The following SUCLG2 variants were observed in gnomAD, a reference collection of about 807,000 sequenced individuals.
The protein encoded by SUCLG2 is succinate--CoA ligase [GDP-forming] subunit beta, mitochondrial.
A neutral mutation model predicts 47.9 loss-of-function variants in SUCLG2; 42 were observed. The observed-to-expected ratio is 0.88, with a 90% CI of 0.69 to 1.14. SUCLG2 has a LOEUF of 1.14. Ranked by LOEUF, SUCLG2 falls within the 50% of genes most tolerant of loss-of-function variation. SUCLG2 has a pLI of 0.00. For missense variants in SUCLG2, 571 were observed against 525.9 expected (o/e 1.09, Z -0.84); for synonymous variants, 195 against 197.3 (o/e 0.99, Z 0.10).
At chr3:67,632,330 G>A (rs909647242) in intron 1 of SUCLG2, among the ~76,000 whole-genome samples, 3 of 152,118 alleles carry the variant, frequency 2.0e-5, no homozygotes, top group Non-Finnish European at 4.4e-5. Context: ...CTACAGGCAC[G>A]CACCACCACA....
chr3:67,454,845 G>A (rs994756777), intron 9 of SUCLG2, among the ~76,000 whole-genome samples: 5 of 151,728 alleles, frequency 3.3e-5, no homozygotes, highest in South Asian at 4.2e-4. Context: ...ACCTATAGTC[G>A]CAGCTACTTG....
chr3:67,410,274 A>G (rs1261603102), intron 9 of SUCLG2, among the ~76,000 whole-genome samples: 1 of 152,252 alleles, frequency 6.6e-6, no homozygotes, highest in Non-Finnish European at 1.5e-5. Flanking sequence ...AAGCAAGAAC[A>G]GCAACTACAA....
chr3:67,386,670 G>C (rs1702267545), intron 10 of SUCLG2, among the ~76,000 whole-genome samples: 1 of 152,112 alleles, frequency 6.6e-6, no homozygotes, highest in Non-Finnish European at 1.5e-5. Context: ...TCACTATCAG[G>C]AGAACAGCAT....
chr3:67,609,787 C>T (rs938726641), intron 1 of SUCLG2, among the ~76,000 whole-genome samples, 191 bp from the exon 2 acceptor site: 2 of 151,868 alleles, frequency 1.3e-5, no homozygotes, highest in Admixed American at 1.3e-4. Context: ...TTAAGGACAA[C>T]TACACACACA....
chr3:67,517,867 C>T (rs1273443652), intron 6 of SUCLG2, among the ~76,000 whole-genome samples: 2 of 152,072 alleles, frequency 1.3e-5, no homozygotes, highest in African/African-American at 2.4e-5. Context: ...CCACAATAAG[C>T]CTCTCGGGAG....
At chr3:67,622,505 GA>G (rs1259291848) in intron 1 of SUCLG2, among the ~76,000 whole-genome samples, 1 of 152,140 alleles carries the variant, frequency 6.6e-6, no homozygotes, top group Non-Finnish European at 1.5e-5. Context: ...GCAAATCTGA[GA>G]AAATAGTAGT....
At chr3:67,639,739 T>A (rs999682283) in intron 1 of SUCLG2, among the ~76,000 whole-genome samples, 1 of 152,148 alleles carries the variant, frequency 6.6e-6, no homozygotes, top group African/African-American at 2.4e-5. Context: ...TCAGCCTCCT[T>A]CCCTTCAACT....
intron 10 of SUCLG2, among the ~76,000 whole-genome samples, chr3:67,365,224 G>C (rs1575650592): frequency 6.6e-6 from 1 of 152,112 alleles, no homozygotes; most frequent in African/African-American, 2.4e-5. Context: ...GAGAAAGTGG[G>C]GCTGGAAACT....
chr3:67,515,451 G>A (rs1705919384), intron 6 of SUCLG2, among the ~76,000 whole-genome samples: 1 of 152,098 alleles, frequency 6.6e-6, no homozygotes. Flanking sequence ...TTTATGTAAA[G>A]CAAAGTATCA....
chr3:67,572,759 G>A (rs988762589), intron 2 of SUCLG2, among the ~76,000 whole-genome samples: 12 of 152,030 alleles, frequency 7.9e-5, no homozygotes, highest in African/African-American at 2.9e-4. Flanking sequence ...AGAAGGCAAG[G>A]TAAGGAAGTC....
intron 1 of SUCLG2, among the ~76,000 whole-genome samples, chr3:67,621,602 C>T (rs7630015): frequency 0.44 from 67,436 of 151,786 alleles, 15,256 homozygotes; most frequent in African/African-American, 0.5. Context: ...TGGACCAATC[C>T]ATTCAAGGAT....
At chr3:67,533,463 T>C (rs772198379) in intron 2 of SUCLG2, among the ~76,000 whole-genome samples, 1 of 152,170 alleles carries the variant, frequency 6.6e-6, no homozygotes, top group Non-Finnish European at 1.5e-5. Context: ...ATATGTAGCA[T>C]GGCAATCACC....
chr3:67,450,583 G>C (rs916232003), intron 9 of SUCLG2, among the ~76,000 whole-genome samples: 1 of 152,264 alleles, frequency 6.6e-6, no homozygotes. Context: ...CCATCATCTA[G>C]ATACTATCAT....
At chr3:67,432,735 C>A (rs1301135364) in intron 9 of SUCLG2, among the ~76,000 whole-genome samples, 1 of 152,206 alleles carries the variant, frequency 6.6e-6, no homozygotes, top group Non-Finnish European at 1.5e-5. Context: ...ACCTTTCTGT[C>A]TTTTATATCC....
At chr3:67,536,770 G>A (rs139396939) in intron 2 of SUCLG2, among the ~76,000 whole-genome samples, 1 of 152,254 alleles carries the variant, frequency 6.6e-6, no homozygotes, top group East Asian at 1.9e-4. Context: ...GCTGAAAAAT[G>A]CACAACAGTT....
intron 2 of SUCLG2, among the ~76,000 whole-genome samples, chr3:67,575,832 C>A (rs1357227626): frequency 6.6e-6 from 1 of 152,074 alleles, no homozygotes; most frequent in African/African-American, 2.4e-5. Flanking sequence ...AAAAAAAGTC[C>A]ATCTCATTTA....
At chr3:67,398,086 T>A (rs1279522676) in intron 10 of SUCLG2, among the ~76,000 whole-genome samples, 2 of 150,164 alleles carry the variant, frequency 1.3e-5, no homozygotes, top group African/African-American at 2.5e-5. Context: ...AACCTCGGCA[T>A]TACCATTCAG....
chr3:67,439,799 T>C (rs938079228), intron 9 of SUCLG2, among the ~76,000 whole-genome samples: 9 of 152,132 alleles, frequency 5.9e-5, no homozygotes, highest in Admixed American at 1.3e-4. Flanking sequence ...AAAATGGCCA[T>C]ACTGCCAAAA....
At position 67,426,079 on chromosome 3, in the gene SUCLG2, T is replaced by C. The variant is rs369043131; in HGVS notation, c.1063-25228A>G. Among the ~76,000 whole-genome samples, 5 of 152,252 alleles carry C rather than the reference T, an allele frequency of 3.3e-5. No homozygotes were observed. The East Asian group carries it at 9.6e-4, about 29-fold the overall frequency. ...TGAGAAAGATTCTGTACTCTGAGAG[T>C]ATTAGAGAATGCTAAGTCTCTATTC... On this transcript the variant is annotated intron_variant, in intron 9 of 10. Coordinates refer to ENST00000307227, the MANE Select transcript of SUCLG2 (RefSeq NM_003848.4).
Sources: allele counts gnomAD v4.1 joint callset (sites outside exome capture counted in the v4.1 genomes callset), GRCh38; gene constraint gnomAD v4.1.1; transcripts MANE v1.5; gene names NCBI Gene and HGNC (gene_info 2026-07-23, HGNC 2026-07-21).